The following CNOT2 variants were observed in gnomAD, a reference collection of about 807,000 sequenced individuals.
The protein encoded by CNOT2 is CC chemokine receptor 4-negative regulator of transcription 2.
A neutral mutation model predicts 72.1 loss-of-function variants in CNOT2; 7 were observed. That is an observed-to-expected ratio of 0.10 (90% confidence interval 0.06 to 0.18). CNOT2 has a LOEUF of 0.18. Ranked by LOEUF, CNOT2 falls within the 10% of genes least tolerant of loss-of-function variation. The probability of loss-of-function intolerance (pLI) is 1.00; values close to 1 mark genes in which losing one functional copy is unlikely to be tolerated. For missense variants in CNOT2, 345 were observed against 660.3 expected, an observed-to-expected ratio of 0.52 and a Z score of 5.23; for synonymous variants, 196 against 225.6, an observed-to-expected ratio of 0.87 and a Z score of 1.17.
chr12:70,301,565 A>G (rs921578809), intron 2 of CNOT2: 2 of 152,008 alleles, frequency 1.3e-5, no homozygotes, highest in Non-Finnish European at 2.9e-5. Context: ...CATCCCAGGG[A>G]TGAAGCCCAC....
chr12:70,293,156 C>A (rs1282659955), intron 2 of CNOT2, among the ~76,000 whole-genome samples: 1 of 144,998 alleles, frequency 6.9e-6, no homozygotes, highest in Non-Finnish European at 1.5e-5. Context: ...GAATTGATTT[C>A]ATATCTTTTT....
chr12:70,301,078 G>A (rs1041790731), intron 2 of CNOT2, among the ~76,000 whole-genome samples: 10 of 152,242 alleles, frequency 6.6e-5, no homozygotes, highest in Admixed American at 2.0e-4. Flanking sequence ...CTTGTATCCC[G>A]AGACTTTGCT....
intron 1 of CNOT2, among the ~76,000 whole-genome samples, chr12:70,273,313 C>CTT (rs142622620): frequency 6.7e-5 from 10 of 149,058 alleles, no homozygotes; most frequent in African/African-American, 2.0e-4. Flanking sequence ...TAATTCTCAT[C>CTT]TTTTTTTTTT....
chr12:70,281,441 C>A (rs1869826706), intron 2 of CNOT2, among the ~76,000 whole-genome samples: 1 of 152,190 alleles, frequency 6.6e-6, no homozygotes, highest in Non-Finnish European at 1.5e-5. Context: ...TTTAGACTTT[C>A]CAAATTCTGG....
At chr12:70,299,279 T>A (rs1345596764) in intron 2 of CNOT2, among the ~76,000 whole-genome samples, 1 of 152,178 alleles carries the variant, frequency 6.6e-6, no homozygotes, top group Admixed American at 6.5e-5. Context: ...ACGTGCAGGT[T>A]TGTTACATAT....
intron 3 of CNOT2, among the ~76,000 whole-genome samples, chr12:70,312,456 A>G (rs2135960937): frequency 1.3e-5 from 2 of 152,068 alleles, no homozygotes; most frequent in South Asian, 4.1e-4. Flanking sequence ...AAGTATATAA[A>G]GAGAATGAAT....
intron 1 of CNOT2, among the ~76,000 whole-genome samples, chr12:70,264,257 C>T (rs750682705): frequency 1.3e-5 from 2 of 152,114 alleles, no homozygotes; most frequent in African/African-American, 2.4e-5. Context: ...CTAGCTAGCC[C>T]GTGGTTTAAC....
intron 1 of CNOT2, among the ~76,000 whole-genome samples, chr12:70,257,467 T>A (rs920655832): frequency 6.7e-5 from 10 of 150,328 alleles, no homozygotes; most frequent in African/African-American, 2.4e-4. Flanking sequence ...TTCACGCCAT[T>A]CTCCTGCCTC....
At chr12:70,323,066 C>G (rs1041867225) in intron 4 of CNOT2, 4 of 151,596 alleles carry the variant, frequency 2.6e-5, no homozygotes, top group Admixed American at 1.3e-4. Flanking sequence ...CTATACCATT[C>G]TCCTTGAGGA....
At chr12:70,243,357 G>C (rs1957660229), upstream of CNOT2, 1 of 152,694 alleles carries the variant, frequency 6.5e-6, no homozygotes, top group East Asian at 1.9e-4. Flanking sequence ...TTCCGCTGCC[G>C]CCTGGAGGGA....
chr12:70,338,264 ATT>A, intron 9 of CNOT2, 177 bp from the exon 10 acceptor site: 2 of 499,954 alleles, frequency 4.0e-6, no homozygotes, highest in Non-Finnish European at 7.0e-6. Flanking sequence ...ATGATATAGG[ATT>A]TATTTGTATA....
intron 2 of CNOT2, among the ~76,000 whole-genome samples, chr12:70,307,063 G>A (rs570945634): frequency 2.5e-4 from 38 of 152,258 alleles, no homozygotes; most frequent in African/African-American, 8.7e-4. Flanking sequence ...ATCATAAACG[G>A]AGCTTGCAGA....
At chr12:70,338,912 T>A in intron 11 of CNOT2, 90 bp downstream of exon 11, 1 of 1,057,602 alleles carries the variant, frequency 9.5e-7, no homozygotes, top group Non-Finnish European at 1.4e-6. Context: ...TCTCACCTAC[T>A]GCTACTCATT....
intron 1 of CNOT2, among the ~76,000 whole-genome samples, chr12:70,254,802 A>G (rs1479137665): frequency 6.6e-6 from 1 of 151,976 alleles, no homozygotes; most frequent in Non-Finnish European, 1.5e-5. Context: ...CCAACATGGA[A>G]AACCCTGTCT....
rs534459644 is a variant in CNOT2 at position 70,304,613 on chromosome 12, G to T, written c.49-6282G>T. 5.3e-5 allele frequency among the ~76,000 whole-genome samples: 8 copies of T among 151,888 alleles called. No homozygotes were observed. The South Asian group carries it at 6.2e-4, about 12-fold the overall frequency. ...TGTGGGGTGTCAGTCCGCCCCTACT[G>T]GGGGGTCAGGGACCCACTTGTGGAG... On this transcript the variant is annotated intron_variant, in intron 2 of 15. Transcript: ENST00000229195.
At chr12:70,258,583 G>A (rs1036732157) in intron 1 of CNOT2, among the ~76,000 whole-genome samples, 2 of 152,132 alleles carry the variant, frequency 1.3e-5, no homozygotes, top group Non-Finnish European at 2.9e-5. Context: ...AACTCCTACC[G>A]TGTGCCCCAA....
intron 4 of CNOT2, among the ~76,000 whole-genome samples, chr12:70,320,330 A>G (rs1445626153): frequency 6.6e-6 from 1 of 151,752 alleles, no homozygotes; most frequent in Non-Finnish European, 1.5e-5. Flanking sequence ...GTTTGTCATA[A>G]CACTTTACCT....
rs1332186777 is a variant in CNOT2 at position 70,282,897 on chromosome 12, A to G, written c.48+4623A>G. 7.2e-5 allele frequency among the ~76,000 whole-genome samples: 11 copies of G among 152,184 alleles called. No individual in the cohort carries two copies. In the East Asian group the frequency reaches 1.9e-3, roughly 27 times the overall value. On this transcript the variant is annotated intron_variant, in intron 2 of 15. Coordinates refer to ENST00000229195, the MANE Select transcript of CNOT2 (RefSeq NM_014515.7). ...ATTTCCAGCCCACTTAAGACCCTAAACAATTTCCTAGATATAGCTAAAGTA... is the reference window on the plus strand; with the variant it reads ...ATTTCCAGCCCACTTAAGACCCTAAGCAATTTCCTAGATATAGCTAAAGTA...
chr12:70,261,174 T>C (rs1244291016), intron 1 of CNOT2, among the ~76,000 whole-genome samples: 1 of 152,084 alleles, frequency 6.6e-6, no homozygotes, highest in Non-Finnish European at 1.5e-5. Context: ...TTACATTATT[T>C]TGTTTTTATG....
Sources: gnomAD v4.1 joint callset for allele counts (sites outside exome capture counted in the v4.1 genomes callset) on GRCh38, gnomAD v4.1.1 for gene constraint, MANE v1.5 for transcripts, NCBI Gene and HGNC (gene_info 2026-07-23, HGNC 2026-07-21) for gene names.